RAPGEF5: variants seen among roughly 807,000 people sequenced by gnomAD.
The protein encoded by RAPGEF5 is M-Ras-regulated GEF.
RAPGEF5 carries 65 observed loss-of-function variants against 125.2 expected under a neutral mutation model. The observed-to-expected ratio is 0.52, with a 90% CI of 0.43 to 0.64. RAPGEF5 has a LOEUF of 0.64. Ranked by LOEUF, RAPGEF5 falls within the 30% of genes least tolerant of loss-of-function variation. RAPGEF5 has a pLI of 0.00. For synonymous variants in RAPGEF5, 391 were observed against 385.9 expected, an observed-to-expected ratio of 1.01 and a Z score of -0.16; for missense variants, 958 against 1,048.1, an observed-to-expected ratio of 0.91 and a Z score of 1.19.
At position 22,242,603 on chromosome 7, in the gene RAPGEF5, G is replaced by A. The variant is rs190411778; in HGVS notation, c.797-11684C>T. Among the ~76,000 whole-genome samples, 527 of 152,322 alleles carry A rather than the reference G, an allele frequency of 3.5e-3. 1 individual carries two copies. Among genetic ancestry groups the A allele is most frequent in the Non-Finnish European group, 5.3e-3 (360 of 68,028 alleles). ...AGGGAATGAGCGATCCAAAAGTGGG[G>A]ACTGAAACCAGCCCCAGGAAGCAGC... On this transcript the variant is annotated intron_variant, in intron 7 of 25. Coordinates refer to ENST00000665637, the MANE Select transcript of RAPGEF5 (RefSeq NM_012294.5).
At chr7:22,256,331 C>T (rs1383507987) in intron 7 of RAPGEF5, among the ~76,000 whole-genome samples, 2 of 152,062 alleles carry the variant, frequency 1.3e-5, no homozygotes, top group African/African-American at 4.8e-5. Context: ...TAAAATAATC[C>T]TGAATAAAAT....
At chr7:22,136,200 T>C in intron 22 of RAPGEF5, 75 bp from the exon 23 acceptor site, 1 of 1,128,282 alleles carries the variant, frequency 8.9e-7, no homozygotes, top group Non-Finnish European at 1.3e-6. Context: ...CCACCTTTGC[T>C]ACACAATTTG....
At chr7:22,158,006 A>G (rs1783866900) in intron 14 of RAPGEF5, 121 bp from the exon 15 acceptor site, 1 of 875,076 alleles carries the variant, frequency 1.1e-6, no homozygotes, top group African/African-American at 1.7e-5. Flanking sequence ...AAAAAATAAA[A>G]CACAGTATTC....
intron 1 of RAPGEF5, among the ~76,000 whole-genome samples, chr7:22,326,156 TGTAGG>T (rs1396414037): frequency 3.9e-5 from 6 of 152,158 alleles, no homozygotes; most frequent in Non-Finnish European, 8.8e-5. Context: ...GGTGTGATAG[TGTAGG>T]GTCTTCTGAT....
In RAPGEF5 at chr7:22,187,064, T is replaced by C. The variant is rs79362312; in HGVS notation, c.1204+6303A>G. On this transcript the variant is annotated intron_variant, in intron 11 of 25. Coordinates refer to ENST00000665637, the MANE Select transcript of RAPGEF5 (RefSeq NM_012294.5). ...TTGGATTCTAAGCTTAATACCCCGT[T>C]AACATTCTAACAGCTCTACGAGGCT... Among the ~76,000 whole-genome samples, 17 of 152,318 alleles carry C rather than the reference T, an allele frequency of 1.1e-4. No homozygotes were observed. The East Asian group carries it at 3.1e-3, about 28-fold the overall frequency.
At position 22,186,258 on chromosome 7, in the gene RAPGEF5, A is replaced by G. The variant is rs200164282; in HGVS notation, c.1204+7109T>C. ...AAATGCAGATTCTATGGGTTCTAAC[A>G]ATAGTGATTTACCAACTGGGGATAC... On this transcript the variant is annotated intron_variant, in intron 11 of 25. Transcript: ENST00000665637. Among the ~76,000 whole-genome samples the G allele has an allele frequency of 2.0e-5, 3 of 152,212 alleles. No homozygotes were observed. The East Asian group carries it at 5.8e-4, about 29-fold the overall frequency.
chr7:22,132,720 T>TGCCCCTCACCC (rs1782952966), intron 23 of RAPGEF5, among the ~76,000 whole-genome samples: 1 of 152,188 alleles, frequency 6.6e-6, no homozygotes, highest in Non-Finnish European at 1.5e-5. Flanking sequence ...ATCCCTCACC[T>TGCCCCTCACCC]GCCCCTCACC....
At chr7:22,310,347 G>A (rs1783440858) in intron 3 of RAPGEF5, among the ~76,000 whole-genome samples, 1 of 152,108 alleles carries the variant, frequency 6.6e-6, no homozygotes. Context: ...TCTTTACAAA[G>A]GAACAATATC....
intron 3 of RAPGEF5, chr7:22,314,427 T>G (rs1392596779): frequency 5.5e-6 from 1 of 182,400 alleles, no homozygotes; most frequent in Non-Finnish European, 1.0e-5. Context: ...TCTGATAGTC[T>G]GGGAATTACT....
chr7:22,182,127 TCCC>T (rs1054563900), intron 11 of RAPGEF5, among the ~76,000 whole-genome samples: 1 of 152,148 alleles, frequency 6.6e-6, no homozygotes, highest in African/African-American at 2.4e-5. Flanking sequence ...AACACTTTGT[TCCC>T]CCATTTTCTG....
At chr7:22,349,422 CAAAA>C (rs34428356) in intron 1 of RAPGEF5, among the ~76,000 whole-genome samples, 1 of 74,984 alleles carries the variant, frequency 1.3e-5, no homozygotes. Flanking sequence ...AGACTCCATC[CAAAA>C]AAAAAAAAAA....
At chr7:22,249,683 G>A (rs550782356) in intron 7 of RAPGEF5, among the ~76,000 whole-genome samples, 3 of 152,340 alleles carry the variant, frequency 2.0e-5, no homozygotes, top group Admixed American at 2.0e-4. Context: ...AAATAAGGTA[G>A]TCGCAGAACT....
At chr7:22,280,767 T>C (rs1782656915) in intron 6 of RAPGEF5, among the ~76,000 whole-genome samples, 1 of 152,210 alleles carries the variant, frequency 6.6e-6, no homozygotes, top group Admixed American at 6.5e-5. Context: ...CCCTTTTCCT[T>C]GTTTTATGTC....
chr7:22,325,763 T>C (rs942950130), intron 1 of RAPGEF5, among the ~76,000 whole-genome samples: 6 of 152,138 alleles, frequency 3.9e-5, no homozygotes, highest in African/African-American at 4.8e-5. Flanking sequence ...GACGTCTCAC[T>C]ATGTTGCCCA....
At chr7:22,137,023 AG>A (rs1364513550) in intron 21 of RAPGEF5, 40 bp from the exon 22 acceptor site, 1 of 1,476,834 alleles carries the variant, frequency 6.8e-7, no homozygotes, top group Non-Finnish European at 9.2e-7. Context: ...AGGTCACAGA[AG>A]TTGGTTATTT....
chr7:22,215,553 C>T (rs1562765685), intron 9 of RAPGEF5, among the ~76,000 whole-genome samples: 1 of 152,162 alleles, frequency 6.6e-6, no homozygotes. Flanking sequence ...TTGGGAGCCA[C>T]CATAGTTAGC....
Position 22,162,497 on chromosome 7 carries a change from A to G in RAPGEF5, c.1328T>C (p.Val443Ala). The G allele has an allele frequency of 6.2e-7, 1 of 1,609,358 alleles. No individual in the cohort carries two copies. The highest frequency in any genetic ancestry group is 8.5e-7 in the Non-Finnish European group (1 of 1,175,740). Residue 443 changes from valine (V) to alanine (A), a missense_variant, in exon 13 of 26, where the codon GTT becomes GCT. Physicochemically the swap from Val to Ala is moderately conservative, Grantham distance 64. Coordinates refer to ENST00000665637, the MANE Select transcript of RAPGEF5 (RefSeq NM_012294.5). ...CAAGACTTTACGTTTCCTACGCGGA[A>G]CGTCTGAGTTTTCCTCTTTGCCTTG... is the stretch of plus-strand genomic sequence containing the variant. ...KYQGKEENSD[V>A]PRRKRKVLHL...
intron 20 of RAPGEF5, among the ~76,000 whole-genome samples, chr7:22,141,710 AC>A (rs553467575): frequency 8.8e-4 from 134 of 152,294 alleles, no homozygotes; most frequent in Admixed American, 1.6e-3. Flanking sequence ...CTGAGCCTCC[AC>A]TGGGCATGGT....
chr7:22,294,652 G>T (rs1224874443), intron 5 of RAPGEF5, among the ~76,000 whole-genome samples: 1 of 152,048 alleles, frequency 6.6e-6, no homozygotes. Context: ...AGTCATTCTT[G>T]AACCCCTTTC....
Sources: gnomAD v4.1 joint callset for allele counts (sites outside exome capture counted in the v4.1 genomes callset) on GRCh38, gnomAD v4.1.1 for gene constraint, MANE v1.5 for transcripts, NCBI Gene and HGNC (gene_info 2026-07-23, HGNC 2026-07-21) for gene names.